MZT2A: variants seen among roughly 807,000 people sequenced by gnomAD.
The protein encoded by MZT2A is mitotic-spindle organizing protein 2A.
A neutral mutation model predicts 12.4 loss-of-function variants in MZT2A; 8 were observed. The ratio of observed to expected loss-of-function variants is 0.64; its 90% CI spans 0.38 to 1.16. The LOEUF is 1.16. Among genes scored for constraint, MZT2A ranks in the 50% most tolerant of loss-of-function variants. The probability of loss-of-function intolerance (pLI) is 0.01; values close to 1 mark genes in which losing one functional copy is unlikely to be tolerated. For synonymous variants in MZT2A, 88 were observed against 107.5 expected (o/e 0.82, Z 1.12); for missense variants, 181 against 223.6 (o/e 0.81, Z 1.22).
intron 3 of MZT2A, among the ~76,000 whole-genome samples, chr2:131,471,780 G>A (rs1455976446): frequency 6.6e-6 from 1 of 151,876 alleles, no homozygotes; most frequent in African/African-American, 2.4e-5. Context: ...ACTCCGCGGG[G>A]TTGAACTGGA....
At chr2:131,471,257 G>A (rs1443222646) in intron 3 of MZT2A, among the ~76,000 whole-genome samples, 1 of 140,448 alleles carries the variant, frequency 7.1e-6, no homozygotes, top group African/African-American at 3.3e-5. Context: ...GTCATGCAGG[G>A]GGATGATACT....
chr2:131,482,686 C>A, downstream of MZT2A: 6 of 1,614,154 alleles, frequency 3.7e-6, no homozygotes, highest in Non-Finnish European at 5.1e-6. Flanking sequence ...AGTTCGATCT[C>A]ATGTATGCCA....
chr2:131,483,939 A>G, downstream of MZT2A: 1 of 1,440,726 alleles, frequency 6.9e-7, no homozygotes, highest in Admixed American at 2.5e-5. Context: ...TAAAAAAAAA[A>G]AAAAAACAGT....
At chr2:131,488,777 T>C (rs1411930400) in intron 2 of MZT2A, among the ~76,000 whole-genome samples, 1 of 152,268 alleles carries the variant, frequency 6.6e-6, no homozygotes, top group South Asian at 2.1e-4. Flanking sequence ...TGCCCTCATG[T>C]CGTGGCTTTC....
At chr2:131,489,105 C>G (rs1198233143) in intron 2 of MZT2A, among the ~76,000 whole-genome samples, 2 of 152,352 alleles carry the variant, frequency 1.3e-5, no homozygotes, top group East Asian at 3.9e-4. Context: ...GCTCTGCTGA[C>G]CCTTCCTGCT....
chr2:131,477,709 G>C (rs1332915796), intron 2 of MZT2A, among the ~76,000 whole-genome samples: 1 of 151,146 alleles, frequency 6.6e-6, no homozygotes, highest in African/African-American at 2.5e-5. Context: ...GGGTAGAACT[G>C]GGGGGTAGAG....
At chr2:131,475,007 C>G (rs1355953112) in intron 2 of MZT2A, among the ~76,000 whole-genome samples, 1 of 152,148 alleles carries the variant, frequency 6.6e-6, no homozygotes, top group Non-Finnish European at 1.5e-5. Context: ...GTCGCCCAGG[C>G]TTGAGTGCAG....
chr2:131,476,259 G>C, intron 2 of MZT2A: 5 of 1,613,214 alleles, frequency 3.1e-6, no homozygotes, highest in South Asian at 1.1e-5. Flanking sequence ...GTTGGCCTCG[G>C]GTGGACAGAG....
chr2:131,481,168 T>C (rs1427285603), downstream of MZT2A, among the ~76,000 whole-genome samples: 1 of 151,834 alleles, frequency 6.6e-6, no homozygotes, highest in African/African-American at 2.4e-5. Flanking sequence ...CCTCCCAAAG[T>C]GCTGGGATTA....
chr2:131,482,681 G>C (rs756867847), downstream of MZT2A: 1 of 1,614,200 alleles, frequency 6.2e-7, no homozygotes, highest in East Asian at 2.2e-5. Context: ...CCATAAGTTC[G>C]ATCTCATGTA....
At chr2:131,477,777 A>G (rs942555574) in intron 2 of MZT2A, among the ~76,000 whole-genome samples, 5 of 151,880 alleles carry the variant, frequency 3.3e-5, no homozygotes, top group Admixed American at 6.6e-5. Flanking sequence ...CCTACTCTGT[A>G]TTTCCTTACC....
chr2:131,492,790 TG>T (rs1001427922), upstream of MZT2A: 108 of 663,362 alleles, frequency 1.6e-4, no homozygotes, highest in African/African-American at 2.4e-4. Flanking sequence ...TCGGGGGGGG[TG>T]GGGGGCACTA....
At chr2:131,482,541 T>C, downstream of MZT2A, 1 of 1,595,434 alleles carries the variant, frequency 6.3e-7, no homozygotes. Flanking sequence ...TTTCTTTCCC[T>C]TCTCTGGCAG....
At chr2:131,482,778 T>C, downstream of MZT2A, 2 of 1,614,126 alleles carry the variant, frequency 1.2e-6, no homozygotes, top group Non-Finnish European at 1.7e-6. Context: ...CTGGCAGCTC[T>C]AGAGAAGGAT....
chr2:131,475,931 G>T (rs1171468543), intron 2 of MZT2A, among the ~76,000 whole-genome samples: 2 of 146,680 alleles, frequency 1.4e-5, no homozygotes, highest in African/African-American at 2.7e-5. Context: ...CTCAGCAACC[G>T]CGCAGCCTTT....
At chr2:131,486,982 C>T (rs961820432) in intron 2 of MZT2A, among the ~76,000 whole-genome samples, 2 of 152,166 alleles carry the variant, frequency 1.3e-5, no homozygotes, top group African/African-American at 4.8e-5. Context: ...GAATGGCCTG[C>T]AGTGCCTTGC....
chr2:131,470,106 A>G (rs1029383653), intron 4 of MZT2A: 4 of 423,602 alleles, frequency 9.4e-6, no homozygotes, highest in African/African-American at 6.4e-5. Flanking sequence ...ATCTGGCTAA[A>G]CAGCATCCTC....
downstream of MZT2A, chr2:131,480,049 C>G: frequency 6.4e-7 from 1 of 1,562,336 alleles, no homozygotes; most frequent in Non-Finnish European, 8.7e-7. Context: ...CATTGGCTCA[C>G]GTTGTGTGGT....
chr2:131,492,208 T>TG lies in MZT2A; in HGVS notation c.168dup (p.Lys57GlnfsTer125). 6.3e-7 allele frequency: 1 copy of TG among 1,575,700 alleles called. No individual in the cohort carries two copies. Among genetic ancestry groups the TG allele is most frequent in the Non-Finnish European group, 8.6e-7 (1 of 1,165,280 alleles). On this transcript the variant is annotated frameshift_variant and splice_region_variant, in exon 1 of 3. Coordinates refer to ENST00000309451, the MANE Select transcript of MZT2A (RefSeq NM_001085365.2). LOFTEE classifies it high-confidence loss of function. ...GCGGCCCCCACCCGCCCCGCTCACT[T>TG]GAACACGTCGGGGTCGATACCGCCG...
Sources: gnomAD v4.1 joint callset for allele counts (sites outside exome capture counted in the v4.1 genomes callset) on GRCh38, gnomAD v4.1.1 for gene constraint, MANE v1.5 for transcripts, NCBI Gene and HGNC (gene_info 2026-07-23, HGNC 2026-07-21) for gene names.